The following ABRAXAS1 variants were observed in gnomAD, a reference collection of about 807,000 sequenced individuals.
The protein encoded by ABRAXAS1 is BRCA1-A complex subunit Abraxas 1.
Under a neutral mutation model 38.4 loss-of-function variants are expected in ABRAXAS1, and 26 were observed. That is an observed-to-expected ratio of 0.68 (90% CI 0.50 to 0.94). The LOEUF is 0.94. ABRAXAS1 is among the 40% of genes least tolerant of loss of function. The probability of loss-of-function intolerance (pLI) is 0.00; values close to 1 mark genes in which losing one functional copy is unlikely to be tolerated. For missense variants in ABRAXAS1, 438 were observed against 481.9 expected, an observed-to-expected ratio of 0.91 and a Z score of 0.85; for synonymous variants, 144 against 165.5, an observed-to-expected ratio of 0.87 and a Z score of 1.00.
chr4:83,483,913 T>C, intron 1 of ABRAXAS1: 2 of 579,380 alleles, frequency 3.5e-6, no homozygotes, highest in Non-Finnish European at 4.4e-6. Flanking sequence ...GCTACACATA[T>C]ATTTTAAATG....
At chr4:83,476,457 A>G (rs1362167149) in intron 3 of ABRAXAS1, among the ~76,000 whole-genome samples, 186 bp downstream of exon 3, 3 of 152,212 alleles carry the variant, frequency 2.0e-5, no homozygotes, top group Non-Finnish European at 4.4e-5. Context: ...ATAAATACAG[A>G]GAAAGAACTG....
At chr4:83,479,370 C>G (rs1409210051) in intron 2 of ABRAXAS1, 3 of 146,382 alleles carry the variant, frequency 2.0e-5, no homozygotes, top group Non-Finnish European at 4.4e-5. Context: ...CACCACTGCA[C>G]TCCAGCCTGG....
intron 3 of ABRAXAS1, among the ~76,000 whole-genome samples, chr4:83,474,938 T>C (rs1025173683): frequency 1.3e-5 from 2 of 152,122 alleles, no homozygotes; most frequent in African/African-American, 4.8e-5. Flanking sequence ...AGGCCTATTA[T>C]TGTGTTGTTT....
intron 2 of ABRAXAS1, chr4:83,480,491 CTAA>C (rs1722959993): frequency 9.2e-6 from 2 of 216,512 alleles, no homozygotes; most frequent in South Asian, 4.7e-5. Context: ...ACTAAGGAAA[CTAA>C]TGAGAGTTTA....
chr4:83,462,607 A>G lies in ABRAXAS1; in HGVS notation c.1092T>C (p.Asp364=), dbSNP rs772754954. Residue 364 remains aspartate, a synonymous_variant, in exon 9 of 9, where the codon GAT becomes GAC. Coordinates refer to ENST00000321945, the MANE Select transcript of ABRAXAS1 (RefSeq NM_139076.3). Reference sequence around the variant, plus strand: ...CTGCTTTAGATCGTTTGTCTTGTGTATCTAACAACCGAGATCTCTTGAATT... The same window carrying G: ...CTGCTTTAGATCGTTTGTCTTGTGTGTCTAACAACCGAGATCTCTTGAATT... ...RWQFKRSRLL[D]TQDKRSKADT... The G allele has an allele frequency of 3.7e-6, 6 of 1,614,114 alleles. No homozygotes were observed. Among genetic ancestry groups the G allele is most frequent in the Non-Finnish European group, 5.1e-6 (6 of 1,180,002 alleles).
intron 2 of ABRAXAS1, among the ~76,000 whole-genome samples, chr4:83,480,890 A>G (rs6834006): frequency 0.6 from 90,549 of 152,024 alleles, 28,295 homozygotes; most frequent in African/African-American, 0.78. Context: ...CAGCACTTTG[A>G]AAGACCGAGG....
chr4:83,462,946 A>T, intron 8 of ABRAXAS1, 44 bp from the exon 9 acceptor site: 1 of 1,318,898 alleles, frequency 7.6e-7, no homozygotes, highest in African/African-American at 1.5e-5. Flanking sequence ...CATTTCTTCT[A>T]CAAAGCTTTT....
rs1324368218 is a variant in ABRAXAS1 at position 83,459,734 on chromosome 4, A to G, written c.*2735T>C. 2 of 1,608,958 alleles carry G rather than the reference A, an allele frequency of 1.2e-6. No individual in the cohort carries two copies. Among genetic ancestry groups the G allele is most frequent in the Non-Finnish European group, 1.7e-6 (2 of 1,177,690 alleles). On this transcript the variant is annotated 3_prime_UTR_variant, in exon 9 of 9. Coordinates refer to ENST00000321945, the MANE Select transcript of ABRAXAS1 (RefSeq NM_139076.3). ...TTTTTCCCCTCCACATAAAACTCCA[A>G]AACAGCTTTTGTCCCAGTTTGTTTC...
chr4:83,462,457 A>G lies in ABRAXAS1; in HGVS notation c.*12T>C. On this transcript the variant is annotated 3_prime_UTR_variant, in exon 9 of 9. Coordinates refer to ENST00000321945, the MANE Select transcript of ABRAXAS1 (RefSeq NM_139076.3). ...AGCCAAATAAAAAAATCTCCTTGTA[A>G]GGTTAAAAGGATCAAAATGTAGGAG... 1.3e-6 allele frequency: 2 copies of G among 1,582,642 alleles called. No homozygotes were observed. Among genetic ancestry groups the G allele is most frequent in the Non-Finnish European group, 1.7e-6 (2 of 1,166,792 alleles).
intron 6 of ABRAXAS1, 127 bp from the exon 7 acceptor site, chr4:83,467,665 G>A: frequency 3.4e-6 from 2 of 594,050 alleles, no homozygotes; most frequent in Non-Finnish European, 6.0e-6. Flanking sequence ...CCATAATTTT[G>A]TCAATCTATG....
rs138594808 is a variant in ABRAXAS1 at position 83,469,050 on chromosome 4, C to T, written c.578G>A (p.Arg193Gln). 27 of 1,612,884 alleles carry T rather than the reference C, an allele frequency of 1.7e-5. No individual in the cohort carries two copies. The highest frequency in any genetic ancestry group is 3.8e-4 in the Middle Eastern group (2 of 5,270). Residue 193 changes from arginine to glutamine, a missense_variant, in exon 6 of 9, where the codon CGA (arginine) becomes CAA (glutamine). Around this residue, in one of 3 missense-constraint regions of ABRAXAS1, gnomAD observed 194 missense variants for 269.0 expected, o/e 0.72. Coordinates refer to ENST00000321945, the MANE Select transcript of ABRAXAS1 (RefSeq NM_139076.3). ...ATCTTACCTGTGTGTTTGTACTGCT[C>T]GGCTAAAACCAGTGGACATACAGGA... ...SGSCMSTGFSRAVQTHSSKFF... is the reference protein window; with the variant it reads ...SGSCMSTGFSQAVQTHSSKFF...
intron 3 of ABRAXAS1, among the ~76,000 whole-genome samples, chr4:83,474,296 T>C (rs4693627): frequency 0.37 from 55,854 of 152,024 alleles, 11,429 homozygotes; most frequent in East Asian, 0.67. Context: ...TGCATCCTAA[T>C]GTATTTAGTG....
rs772212241 is a variant in ABRAXAS1, at chr4:83,469,046, T to A, written c.582A>T (p.Ala194=). 6.2e-7 allele frequency: 1 copy of A among 1,613,144 alleles called. No individual in the cohort carries two copies. The highest frequency in any genetic ancestry group is 2.2e-5 in the East Asian group (1 of 44,874). The change falls in exon 6 of 9, where the codon GCA becomes GCT. Residue 194 remains alanine (A), a synonymous_variant. Coordinates refer to ENST00000321945, the MANE Select transcript of ABRAXAS1 (RefSeq NM_139076.3). ...TTGAATCTTACCTGTGTGTTTGTAC[T>A]GCTCGGCTAAAACCAGTGGACATAC... ...GSCMSTGFSR[A]VQTHSSKFFE...
rs777732735 is a variant in ABRAXAS1, at chr4:83,460,115, G to A, written c.*2354C>T. ...AAACTATGGCCCATAGGCCAAATTC[G>A]ACCTGCTCCCTTTTTATCTTGATTA... On this transcript the variant is annotated 3_prime_UTR_variant, in exon 9 of 9. Transcript: ENST00000321945. 10 of 189,232 alleles carry A rather than the reference G, an allele frequency of 5.3e-5. No homozygotes were observed. The highest frequency in any genetic ancestry group is 7.5e-5 in the Non-Finnish European group (7 of 93,690). The allele number at this position is 189,232 out of a possible 1,614,324, so 11.7% of individuals were successfully genotyped here. A position where few individuals can be genotyped will look rare whatever the true frequency, so the allele number is the denominator to read the frequency against.
chr4:83,473,487 TG>T (rs1169036836), intron 3 of ABRAXAS1, among the ~76,000 whole-genome samples: 1 of 152,112 alleles, frequency 6.6e-6, no homozygotes, highest in Non-Finnish European at 1.5e-5. Flanking sequence ...GTGAAGTTTC[TG>T]GGGAGAAGAT....
In ABRAXAS1 at chr4:83,485,064, C is replaced by A; in HGVS notation, c.9G>T (p.Gly3=). The change falls in exon 1 of 9, where the codon GGG becomes GGT. Residue 3 remains glycine, a synonymous_variant. Transcript: ENST00000321945. ...CCGAGAGCACCGCCGACGTACTCTC[C>A]CCCTCCATGCTACCGCCGCCTCAGG... ME[G]ESTSAVLSGF... is the part of the protein sequence containing the mutation. 1 of 1,588,404 alleles carries A rather than the reference C, an allele frequency of 6.3e-7. No homozygotes were observed. The highest frequency in any genetic ancestry group is 8.6e-7 in the Non-Finnish European group (1 of 1,167,890).
Position 83,463,603 on chromosome 4 carries a change from T to C in ABRAXAS1, c.687A>G (p.Ile229Met), listed in dbSNP as rs1242463210. ...GTTCACTGTCTTCCACTTTTTTGCA[T>C]ATACTCTGCAAAATAAAGTAATTTA... is the stretch of plus-strand genomic sequence containing the variant. Reference protein sequence around the residue: ...YASLQEELKSICKKVEDSEQA... With the variant: ...YASLQEELKSMCKKVEDSEQA... The change falls in exon 8 of 9, where the codon ATA (isoleucine) becomes ATG (methionine). Residue 229 changes from isoleucine (I) to methionine (M), a missense_variant. By Grantham distance (10) the Ile-to-Met change is conservative. Coordinates refer to ENST00000321945, the MANE Select transcript of ABRAXAS1 (RefSeq NM_139076.3). 1.3e-6 allele frequency: 2 copies of C among 1,588,728 alleles called. No homozygotes were observed. The highest frequency in any genetic ancestry group is 2.2e-5 in the East Asian group (1 of 44,610).
At position 83,462,450 on chromosome 4, in the gene ABRAXAS1, C is replaced by G; in HGVS notation, c.*19G>C. The G allele has an allele frequency of 6.3e-7, 1 of 1,577,782 alleles. No homozygotes were observed. Among genetic ancestry groups the G allele is most frequent in the Non-Finnish European group, 8.6e-7 (1 of 1,164,432 alleles). On this transcript the variant is annotated 3_prime_UTR_variant, in exon 9 of 9. Transcript: ENST00000321945. ...ACCCATCAGCCAAATAAAAAAATCT[C>G]CTTGTAAGGTTAAAAGGATCAAAAT...
At chr4:83,470,981 T>C (rs1722560429) in intron 4 of ABRAXAS1, among the ~76,000 whole-genome samples, 1 of 152,112 alleles carries the variant, frequency 6.6e-6, no homozygotes, top group African/African-American at 2.4e-5. Context: ...AATTCTCCTT[T>C]ACTTAAGACA....
Sources: gnomAD v4.1 joint callset for allele counts (sites outside exome capture counted in the v4.1 genomes callset) on GRCh38, gnomAD v4.1.1 for gene constraint, gnomAD v4.1.1 regional missense constraint, MANE v1.5 for transcripts, NCBI Gene and HGNC (gene_info 2026-07-23, HGNC 2026-07-21) for gene names.